MTUS2: variants seen among roughly 807,000 people sequenced by gnomAD.
The protein encoded by MTUS2 is microtubule-associated tumor suppressor candidate 2.
MTUS2 carries 40 observed loss-of-function variants against 114.1 expected under a neutral mutation model. That is an observed-to-expected ratio of 0.35 (90% CI 0.27 to 0.46). MTUS2 has a LOEUF of 0.46. Ranked by LOEUF, MTUS2 falls within the 20% of genes least tolerant of loss-of-function variation. MTUS2 has a pLI of 1.00. For missense variants in MTUS2, 1,679 were observed against 1,705.4 expected, an observed-to-expected ratio of 0.98 and a Z score of 0.27; for synonymous variants, 688 against 672.0, an observed-to-expected ratio of 1.02 and a Z score of -0.37.
chr13:28,998,028 C>T (rs1178024465), intron 2 of MTUS2, among the ~76,000 whole-genome samples: 1 of 152,140 alleles, frequency 6.6e-6, no homozygotes. Flanking sequence ...GTGGCTGGTA[C>T]CAGTTGTTCC....
Position 29,503,289 on chromosome 13 carries a change from G to T in MTUS2, c.*83G>T, listed in dbSNP as rs1439671937. ...GGAGCACCGACCCGGTGCCGCCGGAGCTGGCCCTGTGCGCATGCTCAGTAG... is the reference window on the plus strand; with the variant it reads ...GGAGCACCGACCCGGTGCCGCCGGATCTGGCCCTGTGCGCATGCTCAGTAG... On this transcript the variant is annotated 3_prime_UTR_variant, in exon 16 of 16. Coordinates refer to ENST00000612955, the MANE Select transcript of MTUS2 (RefSeq NM_001033602.4). The T allele has an allele frequency of 1.3e-6, 2 of 1,506,462 alleles. No individual in the cohort carries two copies. The highest frequency in any genetic ancestry group is 1.8e-5 in the Admixed American group (1 of 56,646). 93.3% of individuals were successfully genotyped at this position (1,506,462 alleles called of 1,614,324 possible).
intron 8 of MTUS2, among the ~76,000 whole-genome samples, chr13:29,374,259 T>G (rs1251869159): frequency 6.6e-6 from 1 of 151,350 alleles, no homozygotes; most frequent in African/African-American, 2.4e-5. Context: ...GAAGAAAGAA[T>G]GTGGTGCAGA....
At chr13:29,179,081 A>G (rs910827510) in intron 5 of MTUS2, among the ~76,000 whole-genome samples, 1 of 152,208 alleles carries the variant, frequency 6.6e-6, no homozygotes, top group Non-Finnish European at 1.5e-5. Flanking sequence ...AAATTTCTGT[A>G]GAGCACTTTA....
intron 6 of MTUS2, among the ~76,000 whole-genome samples, chr13:29,317,406 C>T (rs978007540): frequency 3.3e-5 from 5 of 152,020 alleles, no homozygotes; most frequent in South Asian, 4.2e-4. Flanking sequence ...CTCCTGAGTT[C>T]GCTTGTGCGC....
In MTUS2 at chr13:29,380,744, G is replaced by A. The variant is rs867862967; in HGVS notation, c.3117+21271G>A. 1.8e-4 allele frequency among the ~76,000 whole-genome samples: 6 copies of A among 33,426 alleles called. 3 individuals carry two copies. The highest frequency in any genetic ancestry group is 6.5e-4 in the Non-Finnish European group (6 of 9,294). The allele number at this position is 33,426 out of a possible 152,430, so 21.9% of individuals were successfully genotyped here. A position where few individuals can be genotyped will look rare whatever the true frequency, so the allele number is the denominator to read the frequency against. ...ATCCTGGCTAACAAGGTGAAACCCC[G>A]TCTCTACTAAAAATACAAAAAATTA... On this transcript the variant is annotated intron_variant, in intron 8 of 15. Coordinates refer to ENST00000612955, the MANE Select transcript of MTUS2 (RefSeq NM_001033602.4).
chr13:29,405,174 A>G (rs1426006037), intron 8 of MTUS2, among the ~76,000 whole-genome samples: 1 of 152,226 alleles, frequency 6.6e-6, no homozygotes, highest in Admixed American at 6.5e-5. Context: ...TCTTCTTGAC[A>G]CTGAGGAGTA....
At chr13:29,256,523 C>T (rs1897288281) in intron 5 of MTUS2, among the ~76,000 whole-genome samples, 1 of 152,218 alleles carries the variant, frequency 6.6e-6, no homozygotes, top group African/African-American at 2.4e-5. Flanking sequence ...GGCCTCCTTC[C>T]TATCGTCACA....
At chr13:29,492,415 A>C (rs867317075) in intron 11 of MTUS2, among the ~76,000 whole-genome samples, 2 of 151,656 alleles carry the variant, frequency 1.3e-5, no homozygotes, top group Non-Finnish European at 2.9e-5. Flanking sequence ...ATCTGCCCCC[A>C]TCTTCTTTTT....
chr13:29,065,796 T>G (rs1179434494), intron 4 of MTUS2, among the ~76,000 whole-genome samples: 1 of 152,200 alleles, frequency 6.6e-6, no homozygotes, highest in Non-Finnish European at 1.5e-5. Flanking sequence ...AGCCTCACTT[T>G]CTTTATCTCT....
chr13:29,193,319 G>A (rs1894524605), intron 5 of MTUS2, among the ~76,000 whole-genome samples: 1 of 152,072 alleles, frequency 6.6e-6, no homozygotes, highest in Non-Finnish European at 1.5e-5. Context: ...TGAAGTGCCT[G>A]AGGGCCAGGC....
At chr13:29,455,177 G>C (rs1879012201) in intron 9 of MTUS2, among the ~76,000 whole-genome samples, 1 of 152,212 alleles carries the variant, frequency 6.6e-6, no homozygotes, top group Non-Finnish European at 1.5e-5. Context: ...AGCTACTAGT[G>C]GGGTGAGCAC....
intron 5 of MTUS2, among the ~76,000 whole-genome samples, chr13:29,248,983 T>C (rs991199248): frequency 6.6e-6 from 1 of 152,026 alleles, no homozygotes; most frequent in Non-Finnish European, 1.5e-5. Flanking sequence ...TTCGTTCGTT[T>C]GTTCGTTTGT....
chr13:29,355,681 C>T (rs189484986), intron 7 of MTUS2, among the ~76,000 whole-genome samples: 12 of 152,282 alleles, frequency 7.9e-5, no homozygotes, highest in East Asian at 1.9e-4. Flanking sequence ...ATGTTTTTGT[C>T]GCCAAAAACC....
intron 7 of MTUS2, among the ~76,000 whole-genome samples, chr13:29,356,188 C>T (rs1869726093): frequency 6.6e-6 from 1 of 152,118 alleles, no homozygotes; most frequent in African/African-American, 2.4e-5. Context: ...ACATGCCCCT[C>T]CTTTAAAGCC....
chr13:29,397,791 C>A (rs1874019426), intron 8 of MTUS2, among the ~76,000 whole-genome samples: 1 of 152,208 alleles, frequency 6.6e-6, no homozygotes. Flanking sequence ...TCATTTCCTT[C>A]CAGTTTCTCT....
At chr13:29,179,332 A>C (rs1222250771) in intron 5 of MTUS2, among the ~76,000 whole-genome samples, 1 of 152,254 alleles carries the variant, frequency 6.6e-6, no homozygotes, top group African/African-American at 2.4e-5. Flanking sequence ...TATGATCCAA[A>C]GGAAATGTAT....
chr13:28,976,351 A>G (rs1023263124), intron 2 of MTUS2, among the ~76,000 whole-genome samples: 4 of 152,198 alleles, frequency 2.6e-5, no homozygotes, highest in African/African-American at 9.7e-5. Flanking sequence ...ACAGTTTGAT[A>G]TTACTAAATT....
chr13:29,172,891 C>T (rs1297163012), intron 5 of MTUS2, among the ~76,000 whole-genome samples: 6 of 152,140 alleles, frequency 3.9e-5, no homozygotes, highest in African/African-American at 1.4e-4. Flanking sequence ...TTATATTGGT[C>T]CTGCAAATAA....
intron 7 of MTUS2, among the ~76,000 whole-genome samples, chr13:29,330,951 G>GT (rs1216098987): frequency 6.6e-6 from 1 of 152,016 alleles, no homozygotes; most frequent in Admixed American, 6.6e-5. Context: ...ATTTGAAGTA[G>GT]TTTTTTTCTA....
Sources: gnomAD v4.1 joint callset for allele counts (sites outside exome capture counted in the v4.1 genomes callset) on GRCh38, gnomAD v4.1.1 for gene constraint, MANE v1.5 for transcripts, NCBI Gene and HGNC (gene_info 2026-07-23, HGNC 2026-07-21) for gene names.